Variants in RAP1B observed in about 807,000 individuals in gnomAD.
The protein encoded by RAP1B is ras-related protein Rap-1b.
In RAP1B, 1 loss-of-function variant was observed where a neutral mutation model predicts 27.5. The observed-to-expected ratio is 0.04, with a 90% CI of 0.01 to 0.17. RAP1B has a LOEUF of 0.17. RAP1B is among the 10% of genes least tolerant of loss of function. The pLI, the probability that RAP1B is intolerant of heterozygous loss-of-function variation, is 1.00. For missense variants in RAP1B, 84 were observed against 214.8 expected (o/e 0.39, Z 3.81); for synonymous variants, 75 against 73.1 (o/e 1.03, Z -0.13).
intron 1 of RAP1B, among the ~76,000 whole-genome samples, chr12:68,645,935 C>T (rs1873371429): frequency 6.6e-6 from 1 of 152,098 alleles, no homozygotes; most frequent in Non-Finnish European, 1.5e-5. Context: ...ATCATGTATT[C>T]ATGTGGTATA....
intron 1 of RAP1B, among the ~76,000 whole-genome samples, chr12:68,641,945 T>C (rs1260188541): frequency 6.6e-6 from 1 of 152,218 alleles, no homozygotes; most frequent in Non-Finnish European, 1.5e-5. Context: ...TTTATAATTG[T>C]GTATGTGCCT....
Position 68,650,371 on chromosome 12 carries a change from G to A in RAP1B, c.58-29G>A, listed in dbSNP as rs145322123. 5.2e-4 allele frequency: 780 copies of A among 1,499,106 alleles called. 6 individuals carry two copies. The African/African-American group carries it at 0.01, about 19-fold the overall frequency. The allele number at this position is 1,499,106 out of a possible 1,614,324, so 92.9% of individuals were successfully genotyped here. On this transcript the variant is annotated intron_variant, in intron 2 of 7. Coordinates refer to ENST00000250559, the MANE Select transcript of RAP1B (RefSeq NM_001010942.3). ...ATTGAATGTACTCTTTTCTTTAGAA[G>A]TATAATGGTTTCTTAATTTTTTTTT...
rs1204114493 is a variant in RAP1B, at chr12:68,654,098, T to G, written c.184-14T>G. The stretch of plus-strand genomic sequence containing the variant: ...ACATTATTGTTTTTTAACGTTCCTT[T>G]CTTTCTATTGTAGGAGCAATTTACA... On this transcript the variant is annotated splice_polypyrimidine_tract_variant and intron_variant, in intron 4 of 7. Transcript: ENST00000250559. 6.4e-7 allele frequency: 1 copy of G among 1,570,020 alleles called. No individual in the cohort carries two copies. Among genetic ancestry groups the G allele is most frequent in the East Asian group, 2.2e-5 (1 of 44,540 alleles).
intron 5 of RAP1B, among the ~76,000 whole-genome samples, chr12:68,655,492 A>C (rs1347035540): frequency 6.6e-6 from 1 of 151,088 alleles, no homozygotes; most frequent in Non-Finnish European, 1.5e-5. Flanking sequence ...TAATTTGTAA[A>C]TCCATTTAAT....
At position 68,656,292 on chromosome 12, in the gene RAP1B, A is replaced by C; in HGVS notation, c.325-14A>C. 6.3e-7 allele frequency: 1 copy of C among 1,588,330 alleles called. No individual in the cohort carries two copies. Among genetic ancestry groups the C allele is most frequent in the East Asian group, 2.2e-5 (1 of 44,596 alleles). On this transcript the variant is annotated splice_polypyrimidine_tract_variant and intron_variant, in intron 5 of 7. Transcript: ENST00000250559. ...TTTACTTATTTATTTTTACTCTCAC[A>C]AATGTATTTTTAGGTTCCAATGATT...
At chr12:68,622,684 T>C (rs1871468213) in intron 1 of RAP1B, among the ~76,000 whole-genome samples, 1 of 152,236 alleles carries the variant, frequency 6.6e-6, no homozygotes. Context: ...TTTGTTTGCC[T>C]CTCATCCCCT....
At chr12:68,611,747 C>T (rs563073239) in intron 1 of RAP1B, among the ~76,000 whole-genome samples, 1 of 152,152 alleles carries the variant, frequency 6.6e-6, no homozygotes, top group African/African-American at 2.4e-5. Context: ...AGGGGCCTTT[C>T]CCTTCGTCAG....
At chr12:68,641,668 G>A (rs937879162) in intron 1 of RAP1B, among the ~76,000 whole-genome samples, 1 of 151,880 alleles carries the variant, frequency 6.6e-6, no homozygotes, top group African/African-American at 2.4e-5. Flanking sequence ...CTCAAATTAG[G>A]AATCTTTAAA....
rs931446183 is a variant in RAP1B at position 68,671,182 on chromosome 12, G to A, written c.*11933G>A. 6 of 151,962 alleles carry A rather than the reference G, an allele frequency of 3.9e-5. No homozygotes were observed. The highest frequency in any genetic ancestry group is 6.6e-5 in the Admixed American group (1 of 15,230). 9.4% of individuals were successfully genotyped at this position (151,962 alleles called of 1,614,324 possible). A position where few individuals can be genotyped will look rare whatever the true frequency, so the allele number is the denominator to read the frequency against. Reference sequence around the variant, plus strand: ...GAGAAATACGAATCAAAGTACCAACGAGCCCAACACATGGACGAAAACTTC... The same window carrying A: ...GAGAAATACGAATCAAAGTACCAACAAGCCCAACACATGGACGAAAACTTC... On this transcript the variant is annotated 3_prime_UTR_variant, in exon 8 of 8. Transcript: ENST00000250559.
intron 1 of RAP1B, chr12:68,642,593 A>G (rs1246581236): frequency 9.7e-7 from 1 of 1,033,118 alleles, no homozygotes; most frequent in East Asian, 2.4e-5. Context: ...AGCTTCGTTC[A>G]AGTCCTCAGT....
Position 68,659,441 on chromosome 12 carries a change from G to A in RAP1B, c.*192G>A, listed in dbSNP as rs900992903. 7 of 370,148 alleles carry A rather than the reference G, an allele frequency of 1.9e-5. No individual in the cohort carries two copies. The highest frequency in any genetic ancestry group is 3.7e-5 in the Non-Finnish European group (7 of 189,688). 22.9% of individuals were successfully genotyped at this position (370,148 alleles called of 1,614,324 possible). A position where few individuals can be genotyped will look rare whatever the true frequency, so the allele number is the denominator to read the frequency against. ...AATCACTTTCCAGTATCACAAGAGAGATTTTTACTTATATAATAGTCCTAG... is the reference window on the plus strand; with the variant it reads ...AATCACTTTCCAGTATCACAAGAGAAATTTTTACTTATATAATAGTCCTAG... On this transcript the variant is annotated 3_prime_UTR_variant, in exon 8 of 8. Transcript: ENST00000250559.
Position 68,670,334 on chromosome 12 carries a change from A to G in RAP1B, c.*11085A>G, listed in dbSNP as rs1875037163. On this transcript the variant is annotated 3_prime_UTR_variant, in exon 8 of 8. Coordinates refer to ENST00000250559, the MANE Select transcript of RAP1B (RefSeq NM_001010942.3). ...AAAAGTTCAACCCCTATATCATGCA[A>G]AAAGCACTTTCCAGATATATTAAAA... The G allele has an allele frequency of 6.6e-6, 1 of 152,208 alleles. No homozygotes were observed. Among genetic ancestry groups the G allele is most frequent in the African/African-American group, 2.4e-5 (1 of 41,458 alleles). The allele number at this position is 152,208 out of a possible 1,614,324, so 9.4% of individuals were successfully genotyped here.
intron 1 of RAP1B, among the ~76,000 whole-genome samples, chr12:68,641,876 A>C (rs1465867947): frequency 6.6e-6 from 1 of 151,840 alleles, no homozygotes; most frequent in Non-Finnish European, 1.5e-5. Context: ...AATTTAATTG[A>C]TTTTCTTCAT....
chr12:68,638,324 G>A (rs545467818), intron 1 of RAP1B, among the ~76,000 whole-genome samples: 1 of 152,274 alleles, frequency 6.6e-6, no homozygotes, highest in South Asian at 2.1e-4. Context: ...TGTTTCCTGA[G>A]AGAGGATGTC....
chr12:68,619,004 G>A (rs1316624815), intron 1 of RAP1B, among the ~76,000 whole-genome samples: 1 of 152,172 alleles, frequency 6.6e-6, no homozygotes, highest in East Asian at 1.9e-4. Flanking sequence ...GGAGGCTGAG[G>A]TGGAAGGATC....
chr12:68,662,365 T>A lies in RAP1B; in HGVS notation c.*3116T>A, dbSNP rs1874644837. The stretch of plus-strand genomic sequence containing the variant: ...CTTTCACTTACATTTTTCTAAAAAG[T>A]GTAAAAACCCTGTATTGACTTTCTT... On this transcript the variant is annotated 3_prime_UTR_variant, in exon 8 of 8. Coordinates refer to ENST00000250559, the MANE Select transcript of RAP1B (RefSeq NM_001010942.3). The A allele has an allele frequency of 6.6e-6, 1 of 152,144 alleles. No homozygotes were observed. Among genetic ancestry groups the A allele is most frequent in the Non-Finnish European group, 1.5e-5 (1 of 68,008 alleles). 9.4% of individuals were successfully genotyped at this position (152,144 alleles called of 1,614,324 possible). A position where few individuals can be genotyped will look rare whatever the true frequency, so the allele number is the denominator to read the frequency against.
intron 3 of RAP1B, chr12:68,650,992 C>A (rs1326188981): frequency 6.6e-6 from 1 of 152,234 alleles, no homozygotes; most frequent in Non-Finnish European, 1.5e-5. Flanking sequence ...CTAAACAATT[C>A]ATGGTTTCAT....
At chr12:68,629,004 T>G (rs1210197064) in intron 1 of RAP1B, among the ~76,000 whole-genome samples, 1 of 148,234 alleles carries the variant, frequency 6.7e-6, no homozygotes, top group Admixed American at 6.8e-5. Context: ...ATTTATTTAT[T>G]TATCTTCTAT....
In RAP1B at chr12:68,610,902, A is replaced by T. The variant is rs1471638274; in HGVS notation, c.-168A>T. 6.8e-6 allele frequency: 2 copies of T among 294,808 alleles called. No individual in the cohort carries two copies. Among genetic ancestry groups the T allele is most frequent in the South Asian group, 1.4e-4 (1 of 6,920 alleles). 18.3% of individuals were successfully genotyped at this position (294,808 alleles called of 1,614,324 possible). A position where few individuals can be genotyped will look rare whatever the true frequency, so the allele number is the denominator to read the frequency against. On this transcript the variant is annotated 5_prime_UTR_variant, in exon 1 of 8. Transcript: ENST00000250559. ...GCTGAACGCCTGACGTCAAGGCGAC[A>T]TCGCCAAACCTCGCCCAGATTCAGG...
Sources: allele counts gnomAD v4.1 joint callset (sites outside exome capture counted in the v4.1 genomes callset), GRCh38; gene constraint gnomAD v4.1.1; transcripts MANE v1.5; gene names NCBI Gene and HGNC (gene_info 2026-07-23, HGNC 2026-07-21).